The following BOK variants were observed in gnomAD, a reference collection of about 807,000 sequenced individuals.
BOK encodes BCL2 family apoptosis regulator BOK.
Under a neutral mutation model 18.3 loss-of-function variants are expected in BOK, and 20 were observed. That is an observed-to-expected ratio of 1.09 (90% confidence interval 0.77 to 1.59). The LOEUF (loss-of-function observed/expected upper bound fraction) is 1.59, where lower values mean the gene tolerates loss of function less well. Ranked by LOEUF, BOK falls within the 40% of genes most tolerant of loss-of-function variation. The pLI is 0.00. For missense variants in BOK, 348 were observed against 307.9 expected (o/e 1.13, Z -0.97); for synonymous variants, 173 against 142.4 (o/e 1.21, Z -1.53).
intron 3 of BOK, among the ~76,000 whole-genome samples, chr2:241,567,901 TCA>T (rs2066640912): frequency 2.0e-5 from 3 of 151,222 alleles, no homozygotes; most frequent in Admixed American, 6.6e-5. Context: ...GAGGTCTTTA[TCA>T]CCCCAGAATG....
chr2:241,552,768 G>A (rs1232691223), intron 1 of BOK, among the ~76,000 whole-genome samples: 1 of 152,178 alleles, frequency 6.6e-6, no homozygotes, highest in East Asian at 1.9e-4. Context: ...CAAGCGGTTC[G>A]GTCACCTTCC....
chr2:241,573,502 C>A lies in BOK; in HGVS notation c.*1080C>A. 1 of 152,512 alleles carries A rather than the reference C, an allele frequency of 6.6e-6. No individual in the cohort carries two copies. Among genetic ancestry groups the A allele is most frequent in the Non-Finnish European group, 1.5e-5 (1 of 68,144 alleles). The allele number at this position is 152,512 out of a possible 1,614,324, so 9.4% of individuals were successfully genotyped here. On this transcript the variant is annotated 3_prime_UTR_variant, in exon 5 of 5. Coordinates refer to ENST00000318407, the MANE Select transcript of BOK (RefSeq NM_032515.5). ...GTGGGGACTCAGCCTGTAAACAGAG[C>A]GTAAGGTTCACATGCTGGTTGCTTA...
Position 241,562,332 on chromosome 2 carries a change from T to A in BOK, c.221-16T>A. 2 of 1,586,354 alleles carry A rather than the reference T, an allele frequency of 1.3e-6. No individual in the cohort carries two copies. Among genetic ancestry groups the A allele is most frequent in the South Asian group, 1.2e-5 (1 of 86,480 alleles). On this transcript the variant is annotated splice_polypyrimidine_tract_variant and intron_variant, in intron 2 of 4. Transcript: ENST00000318407. The surrounding 1 kb of genome is among the most constrained non-coding windows in gnomAD (Gnocchi z 4.5). ...GGGACGTGGGCTGCCTCTCACCTGCTCTTGTGACCACACAGGCGATGAGCT... is the reference window on the plus strand; with the variant it reads ...GGGACGTGGGCTGCCTCTCACCTGCACTTGTGACCACACAGGCGATGAGCT...
Position 241,574,110 on chromosome 2 carries a change from C to T in BOK, c.*1688C>T, listed in dbSNP as rs1041468673. ...AGGGTAGGGGTGGTAATAAACTTCT[C>T]CAAACGATCGTTGTCATTTTAGACA... On this transcript the variant is annotated 3_prime_UTR_variant, in exon 5 of 5. Coordinates refer to ENST00000318407, the MANE Select transcript of BOK (RefSeq NM_032515.5). 2 of 152,242 alleles carry T rather than the reference C, an allele frequency of 1.3e-5. No homozygotes were observed. The highest frequency in any genetic ancestry group is 4.8e-5 in the African/African-American group (2 of 41,446). 9.4% of individuals were successfully genotyped at this position (152,242 alleles called of 1,614,324 possible). A position where few individuals can be genotyped will look rare whatever the true frequency, so the allele number is the denominator to read the frequency against.
At chr2:241,569,834 G>C (rs2066677533) in intron 3 of BOK, among the ~76,000 whole-genome samples, 5 of 152,190 alleles carry the variant, frequency 3.3e-5, no homozygotes, top group Non-Finnish European at 4.4e-5. Flanking sequence ...GAGGTCACTG[G>C]CTGCTCACTC....
exon 1 of BOK, chr2:241,551,450 A>T (rs2066413312): frequency 6.6e-6 from 1 of 152,264 alleles, no homozygotes; most frequent in African/African-American, 2.4e-5. Context: ...TGTGACTCGG[A>T]ACCAGCGCAC....
chr2:241,568,472 C>T lies in BOK; in HGVS notation c.350-1653C>T, dbSNP rs958812944. 3.3e-5 allele frequency among the ~76,000 whole-genome samples: 5 copies of T among 151,676 alleles called. No individual in the cohort carries two copies. In the East Asian group the frequency reaches 9.7e-4, roughly 29 times the overall value. Reference sequence around the variant, plus strand: ...TTGCTCTGTCTCCCAGGCTGGAGTACAGTGGTGCGATCTGGGCTCACTGAA... The same window carrying T: ...TTGCTCTGTCTCCCAGGCTGGAGTATAGTGGTGCGATCTGGGCTCACTGAA... On this transcript the variant is annotated intron_variant, in intron 3 of 4. Transcript: ENST00000318407.
In BOK at chr2:241,567,036, C is replaced by A. The variant is rs1459655994; in HGVS notation, c.350-3089C>A. ...AAAAGACACAGAAGAGCTGGAAGGA[C>A]ACAGTGGACGCCGAGGCTGGTGCCT... On this transcript the variant is annotated intron_variant, in intron 3 of 4. Coordinates refer to ENST00000318407, the MANE Select transcript of BOK (RefSeq NM_032515.5). Among the ~76,000 whole-genome samples the A allele has an allele frequency of 3.0e-5, 4 of 134,500 alleles. 1 individual carries two copies. Among genetic ancestry groups the A allele is most frequent in the African/African-American group, 8.7e-5 (3 of 34,310 alleles). The allele number at this position is 134,500 out of a possible 152,430, so 88.2% of individuals were successfully genotyped here. A position where few individuals can be genotyped will look rare whatever the true frequency, so the allele number is the denominator to read the frequency against.
chr2:241,563,657 C>T (rs534931185), intron 3 of BOK, among the ~76,000 whole-genome samples: 9 of 152,298 alleles, frequency 5.9e-5, no homozygotes, highest in African/African-American at 1.9e-4. Context: ...GGTGTGGGTC[C>T]GTGGCCAGTC....
intron 3 of BOK, among the ~76,000 whole-genome samples, chr2:241,563,104 TC>T (rs2066557029): frequency 6.6e-6 from 1 of 152,104 alleles, no homozygotes; most frequent in South Asian, 2.1e-4. Flanking sequence ...CCTGTGACCC[TC>T]CTGTGCGCTC....
rs1484657636 is a variant in BOK at position 241,558,862 on chromosome 2, T to C, written c.-161T>C. ...GGACCTGGCGCTCCCGGCTCGGGCG[T>C]GGACGGGGCGGGCGCCGGGGCGGGG... On this transcript the variant is annotated 5_prime_UTR_variant, in exon 1 of 5. Transcript: ENST00000318407. 1 of 151,812 alleles carries C rather than the reference T, an allele frequency of 6.6e-6. No homozygotes were observed. The highest frequency in any genetic ancestry group is 1.9e-4 in the East Asian group (1 of 5,178). The allele number at this position is 151,812 out of a possible 1,614,324, so 9.4% of individuals were successfully genotyped here.
rs571678300 is a variant in BOK at position 241,572,218 on chromosome 2, C to T, written c.514-79C>T. 140 of 1,565,626 alleles carry T rather than the reference C, an allele frequency of 8.9e-5. No homozygotes were observed. The African/African-American group carries it at 1.4e-3, about 16-fold the overall frequency. ...GCAATTTTGCTGATATTCTGGTGCA[C>T]GGTGCTGGGGGGCCTGGCGGTGCTG... On this transcript the variant is annotated intron_variant, in intron 4 of 4. Coordinates refer to ENST00000318407, the MANE Select transcript of BOK (RefSeq NM_032515.5).
In BOK at chr2:241,559,552, A is replaced by G. The variant is rs567087852; in HGVS notation, c.69A>G (p.Thr23=). 11 of 1,527,712 alleles carry G rather than the reference A, an allele frequency of 7.2e-6. No individual in the cohort carries two copies. Among genetic ancestry groups the G allele is most frequent in the African/African-American group, 2.9e-5 (2 of 70,150 alleles). 94.6% of individuals were successfully genotyped at this position (1,527,712 alleles called of 1,614,324 possible). A position where few individuals can be genotyped will look rare whatever the true frequency, so the allele number is the denominator to read the frequency against. Residue 23 remains threonine, a synonymous_variant, in exon 2 of 5, where the codon ACA becomes ACG. Transcript: ENST00000318407. The part of the protein sequence containing the change: ...EIMDAFDRSP[T]DKELVAQAKA... ...TGGACGCCTTTGACCGCTCGCCCAC[A>G]GACAAGGAGCTGGTGGCCCAGGCCA... is the stretch of plus-strand genomic sequence containing the variant.
Position 241,559,442 on chromosome 2 carries a change from C to A in BOK, c.-29-13C>A. The A allele has an allele frequency of 1.4e-6, 2 of 1,390,994 alleles. No individual in the cohort carries two copies. The highest frequency in any genetic ancestry group is 1.9e-6 in the Non-Finnish European group (2 of 1,074,282). The allele number at this position is 1,390,994 out of a possible 1,614,324, so 86.2% of individuals were successfully genotyped here. On this transcript the variant is annotated splice_polypyrimidine_tract_variant and intron_variant, in intron 1 of 4. Coordinates refer to ENST00000318407, the MANE Select transcript of BOK (RefSeq NM_032515.5). ...CCGCCTCCCTCCACCCGGCTGAGCG[C>A]TTGTGCCCGCAGGTGCGGCGCCCCC...
At chr2:241,572,221 T>C in intron 4 of BOK, 76 bp from the exon 5 acceptor site, 1 of 1,581,240 alleles carries the variant, frequency 6.3e-7, no homozygotes, top group Non-Finnish European at 8.6e-7. Context: ...TGGTGCACGG[T>C]GCTGGGGGGC....
At chr2:241,560,604 G>T (rs1446625046) in intron 2 of BOK, among the ~76,000 whole-genome samples, 1 of 152,152 alleles carries the variant, frequency 6.6e-6, no homozygotes, top group Non-Finnish European at 1.5e-5. Flanking sequence ...AGGAGTGTGT[G>T]TGGGGTGCAG....
At chr2:241,551,954 C>T (rs978808215) in intron 1 of BOK, among the ~76,000 whole-genome samples, 4 of 152,080 alleles carry the variant, frequency 2.6e-5, no homozygotes, top group Non-Finnish European at 5.9e-5. Flanking sequence ...GAGGAAACGC[C>T]GGGTGGCAGA....
At chr2:241,571,141 C>T (rs929932151) in intron 4 of BOK, among the ~76,000 whole-genome samples, 7 of 152,078 alleles carry the variant, frequency 4.6e-5, no homozygotes, top group South Asian at 2.1e-4. Context: ...GGACTCTCCT[C>T]TGCCCAGATC....
intron 3 of BOK, among the ~76,000 whole-genome samples, chr2:241,564,460 G>C (rs915700038): frequency 6.6e-6 from 1 of 151,986 alleles, no homozygotes; most frequent in Non-Finnish European, 1.5e-5. Flanking sequence ...AGCTGAGGGT[G>C]GGGGGCCGGG....
Sources: allele counts gnomAD v4.1 joint callset (sites outside exome capture counted in the v4.1 genomes callset), GRCh38; gene constraint gnomAD v4.1.1; non-coding constraint Gnocchi (gnomAD v3.1); transcripts MANE v1.5; gene names NCBI Gene and HGNC (gene_info 2026-07-23, HGNC 2026-07-21).